Variants in GABRB3 observed in about 807,000 individuals in gnomAD.
The protein encoded by GABRB3 is gamma-aminobutyric acid type A receptor subunit beta3.
Under a neutral mutation model 52.1 loss-of-function variants are expected in GABRB3, and 14 were observed. That is an observed-to-expected ratio of 0.27 (90% confidence interval 0.18 to 0.42). GABRB3 has a LOEUF of 0.42. Among genes scored for constraint, GABRB3 ranks in the 10% least tolerant of loss-of-function variants. GABRB3 has a pLI of 1.00. For synonymous variants in GABRB3, 260 were observed against 232.3 expected (o/e 1.12, Z -1.08); for missense variants, 307 against 609.1 (o/e 0.50, Z 5.22).
chr15:26,621,297 T>C lies in GABRB3; in HGVS notation c.461+17A>G, dbSNP rs375266546. ...CACCATGCAACAGCAAAATTGGTCC[T>C]GAAGAGGCACACAGACCTGAGCCCA... On this transcript the variant is annotated intron_variant, in intron 4 of 8. Coordinates refer to ENST00000311550, the MANE Select transcript of GABRB3 (RefSeq NM_000814.6). The surrounding 1 kb of genome is among the most constrained non-coding windows in gnomAD (Gnocchi z 4.1). 6.2e-7 allele frequency: 1 copy of C among 1,610,522 alleles called. No homozygotes were observed. Among genetic ancestry groups the C allele is most frequent in the African/African-American group, 1.3e-5 (1 of 74,970 alleles).
chr15:26,662,367 G>A (rs531758439), intron 3 of GABRB3, among the ~76,000 whole-genome samples: 18 of 152,112 alleles, frequency 1.2e-4, no homozygotes, highest in Non-Finnish European at 1.9e-4. Flanking sequence ...ATCCAAGGGG[G>A]TAAGCTCAGC....
intron 3 of GABRB3, among the ~76,000 whole-genome samples, chr15:26,676,038 T>C (rs1888058391): frequency 6.6e-6 from 1 of 152,212 alleles, no homozygotes; most frequent in Non-Finnish European, 1.5e-5. Flanking sequence ...TCAGAACTTA[T>C]GCAGTATTCA....
rs372024517 is a variant in GABRB3, at chr15:26,545,781, A to G, written c.*2012T>C. Reference sequence around the variant, plus strand: ...AATGGTCAGAGAAAAGCCAAAGCCAAAGAAATCCCTGGCTAGTCTCCAGAT... The same window carrying G: ...AATGGTCAGAGAAAAGCCAAAGCCAGAGAAATCCCTGGCTAGTCTCCAGAT... On this transcript the variant is annotated 3_prime_UTR_variant, in exon 9 of 9. Transcript: ENST00000311550. The G allele has an allele frequency of 6.6e-6, 1 of 152,612 alleles. No homozygotes were observed. 9.5% of individuals were successfully genotyped at this position (152,612 alleles called of 1,614,324 possible).
chr15:26,702,085 A>C (rs956669294), intron 3 of GABRB3, among the ~76,000 whole-genome samples: 4 of 152,226 alleles, frequency 2.6e-5, no homozygotes, highest in African/African-American at 7.2e-5. Context: ...TATACATAAA[A>C]ATCAAGTGGA....
chr15:26,716,304 G>T (rs886538706), intron 3 of GABRB3, among the ~76,000 whole-genome samples: 1 of 152,182 alleles, frequency 6.6e-6, no homozygotes, highest in African/African-American at 2.4e-5. Flanking sequence ...ATCCAACAAA[G>T]AGGTAGGATA....
At chr15:26,662,431 C>T (rs927967343) in intron 3 of GABRB3, among the ~76,000 whole-genome samples, 2 of 152,160 alleles carry the variant, frequency 1.3e-5, no homozygotes, top group Admixed American at 6.5e-5. Context: ...CACTGGATTA[C>T]GCTGCCCAGT....
chr15:26,696,400 T>TCAAACC (rs1181200351), intron 3 of GABRB3, among the ~76,000 whole-genome samples: 3 of 152,094 alleles, frequency 2.0e-5, no homozygotes, highest in Admixed American at 1.3e-4. Context: ...TTATTATCAT[T>TCAAACC]CAAACAATGA....
chr15:26,586,397 A>C (rs1294980053), intron 4 of GABRB3, among the ~76,000 whole-genome samples: 1 of 138,014 alleles, frequency 7.2e-6, no homozygotes, highest in South Asian at 2.5e-4. Flanking sequence ...AACCACCCCT[A>C]ACACACACAC....
At chr15:26,554,191 C>CATATATATATATATA (rs1567097873) in intron 8 of GABRB3, among the ~76,000 whole-genome samples, 2 of 15,586 alleles carry the variant, frequency 1.3e-4, no homozygotes, top group Admixed American at 2.5e-3. Flanking sequence ...TATATATATA[C>CATATATATATATATA]TATATATATA....
At chr15:26,610,809 C>T (rs1217345104) in intron 4 of GABRB3, among the ~76,000 whole-genome samples, 2 of 152,100 alleles carry the variant, frequency 1.3e-5, no homozygotes, top group Non-Finnish European at 1.5e-5. Context: ...TGCTAGAGTT[C>T]CAAAGTAAAA....
chr15:26,733,826 G>A (rs912187250), intron 3 of GABRB3, among the ~76,000 whole-genome samples: 3 of 152,072 alleles, frequency 2.0e-5, no homozygotes, highest in Non-Finnish European at 4.4e-5. Context: ...ATAAATGCTG[G>A]AATATATGAA....
chr15:26,552,008 CTTT>C (rs745331256), intron 8 of GABRB3, among the ~76,000 whole-genome samples: 2 of 141,440 alleles, frequency 1.4e-5, no homozygotes, highest in Non-Finnish European at 1.6e-5. Context: ...GAAATTTTGA[CTTT>C]TTTTTTTTTT....
intron 3 of GABRB3, among the ~76,000 whole-genome samples, chr15:26,674,066 C>CCT (rs1555375545): frequency 3.4e-4 from 50 of 145,730 alleles, no homozygotes; most frequent in African/African-American, 1.2e-3. Flanking sequence ...TAACCCCCCC[C>CCT]TTTTTTTTTT....
chr15:26,717,363 T>A (rs1404715853), intron 3 of GABRB3, among the ~76,000 whole-genome samples: 1 of 152,026 alleles, frequency 6.6e-6, no homozygotes, highest in Non-Finnish European at 1.5e-5. Flanking sequence ...AGCTCTAATA[T>A]CCACCCAACA....
At chr15:26,681,735 G>GT (rs1888246975) in intron 3 of GABRB3, among the ~76,000 whole-genome samples, 1 of 152,172 alleles carries the variant, frequency 6.6e-6, no homozygotes. Context: ...GCCAAGGTGG[G>GT]TGAATAGCTT....
intron 7 of GABRB3, among the ~76,000 whole-genome samples, chr15:26,563,581 A>G (rs528715419): frequency 1.4e-3 from 206 of 152,356 alleles, no homozygotes; most frequent in Middle Eastern, 3.4e-3. Flanking sequence ...GCTGTTGGAA[A>G]TCTAATGGCA....
intron 3 of GABRB3, among the ~76,000 whole-genome samples, chr15:26,631,912 T>C (rs1343360678): frequency 3.3e-5 from 5 of 152,166 alleles, no homozygotes; most frequent in Admixed American, 6.5e-5. Flanking sequence ...CCAAGAACCA[T>C]ACTTAGTGTT....
intron 3 of GABRB3, among the ~76,000 whole-genome samples, chr15:26,728,512 G>C (rs1291559700): frequency 7.9e-5 from 12 of 152,172 alleles, no homozygotes; most frequent in Admixed American, 7.9e-4. Flanking sequence ...AACTACAATA[G>C]ATACTGGGAA....
chr15:26,642,475 A>G (rs1418278622), intron 3 of GABRB3: 1 of 1,288,636 alleles, frequency 7.8e-7, no homozygotes, highest in Non-Finnish European at 1.0e-6. Flanking sequence ...ATGAATCTAT[A>G]AGCCACGTTA....
Sources: gnomAD v4.1 joint callset for allele counts (sites outside exome capture counted in the v4.1 genomes callset) on GRCh38, gnomAD v4.1.1 for gene constraint, Gnocchi (gnomAD v3.1) non-coding constraint, MANE v1.5 for transcripts, NCBI Gene and HGNC (gene_info 2026-07-23, HGNC 2026-07-21) for gene names.